Variants in JPH2 observed in about 807,000 individuals in gnomAD.
The protein encoded by JPH2 is junctophilin 2.
In JPH2, 38 loss-of-function variants were observed where a neutral mutation model predicts 55.9. The ratio of observed to expected loss-of-function variants is 0.68; its 90% confidence interval spans 0.52 to 0.89. JPH2 has a LOEUF of 0.89. JPH2 is among the 40% of genes least tolerant of loss of function. The pLI is 0.00. For synonymous variants in JPH2, 480 were observed against 472.4 expected (o/e 1.02, Z -0.21); for missense variants, 964 against 1,037.6 (o/e 0.93, Z 0.97).
chr20:44,129,128 G>A (rs2072297155), intron 2 of JPH2, among the ~76,000 whole-genome samples: 1 of 152,162 alleles, frequency 6.6e-6, no homozygotes, highest in African/African-American at 2.4e-5. Flanking sequence ...ATAGCCCTCA[G>A]GCCCTATGTA....
chr20:44,169,437 C>T (rs1470698619), intron 1 of JPH2, among the ~76,000 whole-genome samples: 1 of 152,194 alleles, frequency 6.6e-6, no homozygotes, highest in Non-Finnish European at 1.5e-5. Flanking sequence ...CTTGGCCTCC[C>T]AAAGTGCTGG....
chr20:44,119,511 C>T (rs146666771), intron 2 of JPH2, among the ~76,000 whole-genome samples: 1 of 152,272 alleles, frequency 6.6e-6, no homozygotes, highest in East Asian at 1.9e-4. Flanking sequence ...TGAGTGTTGG[C>T]TGCTAATGGC....
chr20:44,156,983 G>T (rs772410208), intron 2 of JPH2, among the ~76,000 whole-genome samples: 4 of 152,354 alleles, frequency 2.6e-5, no homozygotes, highest in African/African-American at 4.8e-5. Flanking sequence ...GAAAGCTAGA[G>T]GCTGATGCTT....
intron 3 of JPH2, among the ~76,000 whole-genome samples, chr20:44,117,510 A>G (rs1418620871): frequency 2.0e-5 from 3 of 152,138 alleles, no homozygotes; most frequent in Admixed American, 1.3e-4. Flanking sequence ...ACCCAGCGCT[A>G]TCTGGTACAG....
rs1002693181 is a variant in JPH2, at chr20:44,160,093, G to C, written c.694C>G (p.Arg232Gly). The C allele has an allele frequency of 1.3e-6, 2 of 1,530,250 alleles. No homozygotes were observed. Among genetic ancestry groups the C allele is most frequent in the African/African-American group, 1.4e-5 (1 of 72,754 alleles). 94.8% of individuals were successfully genotyped at this position (1,530,250 alleles called of 1,614,324 possible). A position where few individuals can be genotyped will look rare whatever the true frequency, so the allele number is the denominator to read the frequency against. ...QRGALLGKLR[R>G]AESRTSVGSQ... ...CCCACGGACGTGCGCGACTCTGCGC[G>C]CCGCAGCTTGCCCAGCAGCGCGCCC... The change falls in exon 2 of 6, where the codon CGC becomes GGC. Residue 232 changes from arginine to glycine, a missense_variant. Arg to Gly is a moderately radical substitution (Grantham distance 125). Transcript: ENST00000372980. The surrounding 1 kb of genome is among the most constrained non-coding windows in gnomAD (Gnocchi z 4.9).
chr20:44,176,318 C>CT (rs58088590), intron 1 of JPH2, among the ~76,000 whole-genome samples: 59,420 of 113,488 alleles, frequency 0.52, 16,366 homozygotes, highest in East Asian at 0.7. Context: ...TCCTATCTGT[C>CT]TTTTTTTTTT....
At chr20:44,123,345 C>T (rs1382189975) in intron 2 of JPH2, among the ~76,000 whole-genome samples, 3 of 152,160 alleles carry the variant, frequency 2.0e-5, no homozygotes, top group Non-Finnish European at 4.4e-5. Flanking sequence ...ACTCTTAGAA[C>T]CCTCTGCCAC....
At chr20:44,186,177 G>T (rs770828415) in intron 1 of JPH2, 150 bp downstream of exon 1, 14 of 806,534 alleles carry the variant, frequency 1.7e-5, no homozygotes, top group African/African-American at 8.7e-5. Flanking sequence ...AGCTCAGAAA[G>T]GTAGAGCAGC....
At chr20:44,134,822 TATAA>T (rs1216359047) in intron 2 of JPH2, among the ~76,000 whole-genome samples, 1 of 92,944 alleles carries the variant, frequency 1.1e-5, no homozygotes, top group African/African-American at 4.2e-5. Flanking sequence ...TATAAATATT[TATAA>T]ATATACATAA....
intron 1 of JPH2, among the ~76,000 whole-genome samples, chr20:44,173,446 C>T (rs1408992254): frequency 6.6e-6 from 1 of 152,046 alleles, no homozygotes; most frequent in Non-Finnish European, 1.5e-5. Context: ...TCAACATTTC[C>T]CTCTCCCTAG....
At chr20:44,148,940 G>A (rs1015794706) in intron 2 of JPH2, among the ~76,000 whole-genome samples, 6 of 151,870 alleles carry the variant, frequency 4.0e-5, no homozygotes, top group South Asian at 2.1e-4. Flanking sequence ...GGTGGTGAGC[G>A]CCCATAGTCC....
chr20:44,185,332 A>G (rs1215577827), intron 1 of JPH2, among the ~76,000 whole-genome samples: 1 of 151,894 alleles, frequency 6.6e-6, no homozygotes, highest in Non-Finnish European at 1.5e-5. Flanking sequence ...GGAAACACAA[A>G]AGGAATGTAG....
chr20:44,146,218 A>G (rs2145867886), intron 2 of JPH2, among the ~76,000 whole-genome samples: 1 of 152,072 alleles, frequency 6.6e-6, no homozygotes, highest in East Asian at 1.9e-4. Context: ...TATTTTTAGT[A>G]GAGACAGGGT....
At chr20:44,168,596 G>A (rs564363082) in intron 1 of JPH2, among the ~76,000 whole-genome samples, 76 of 152,308 alleles carry the variant, frequency 5.0e-4, no homozygotes, top group Non-Finnish European at 9.0e-4. Context: ...TGGAAAAGCC[G>A]AAACTAAGAA....
intron 2 of JPH2, among the ~76,000 whole-genome samples, chr20:44,133,283 C>T (rs575735085): frequency 4.6e-5 from 7 of 150,682 alleles, no homozygotes; most frequent in East Asian, 4.0e-4. Flanking sequence ...CACACTAATA[C>T]GATCCTTCTG....
chr20:44,186,004 T>C (rs996324151), intron 1 of JPH2, among the ~76,000 whole-genome samples: 1 of 152,168 alleles, frequency 6.6e-6, no homozygotes, highest in East Asian at 1.9e-4. Context: ...TAGAGTATAT[T>C]CCATGGCTGT....
intron 2 of JPH2, among the ~76,000 whole-genome samples, chr20:44,134,606 TATAAATATAATA>T (rs2072383573): frequency 2.4e-4 from 1 of 4,238 alleles, no homozygotes; most frequent in African/African-American, 1.1e-3. Context: ...ATATATTTAT[TATAAATATAATA>T]AATATATATT....
In JPH2 at chr20:44,187,137, T is replaced by G; in HGVS notation, c.-432A>C. The G allele has an allele frequency of 5.3e-6, 1 of 188,004 alleles. No homozygotes were observed. The highest frequency in any genetic ancestry group is 1.1e-5 in the Non-Finnish European group (1 of 90,442). The allele number at this position is 188,004 out of a possible 1,614,324, so 11.6% of individuals were successfully genotyped here. On this transcript the variant is annotated 5_prime_UTR_variant, in exon 1 of 6. Transcript: ENST00000372980. ...TGGCAGCCCCCGCCGGAGGCTGAAT[T>G]CCCGCAGCCCGCTGGCCCCCTTCTC...
At chr20:44,124,189 C>G (rs549100491) in intron 2 of JPH2, among the ~76,000 whole-genome samples, 7 of 152,202 alleles carry the variant, frequency 4.6e-5, no homozygotes, top group African/African-American at 1.7e-4. Context: ...TCTAAAAGCA[C>G]CTGCCCCCAC....
Sources: allele counts gnomAD v4.1 joint callset (sites outside exome capture counted in the v4.1 genomes callset), GRCh38; gene constraint gnomAD v4.1.1; non-coding constraint Gnocchi (gnomAD v3.1); transcripts MANE v1.5; gene names NCBI Gene and HGNC (gene_info 2026-07-23, HGNC 2026-07-21).